The following LMO2 variants were observed in gnomAD, a reference collection of about 807,000 sequenced individuals.
The protein encoded by LMO2 is LIM domain only 2.
In LMO2, 20 loss-of-function variants were observed where a neutral mutation model predicts 23.2. The observed-to-expected ratio is 0.86, with a 90% confidence interval of 0.61 to 1.25. LMO2 has a LOEUF of 1.25. LMO2 is among the 50% of genes most tolerant of loss of function. LMO2 has a pLI of 0.00. For synonymous variants in LMO2, 123 were observed against 130.2 expected, an observed-to-expected ratio of 0.94 and a Z score of 0.38; for missense variants, 270 against 315.3, an observed-to-expected ratio of 0.86 and a Z score of 1.09.
rs575079278 is a variant in LMO2 at position 33,859,633 on chromosome 11, G to C, written c.465-58C>G. The C allele has an allele frequency of 6.3e-5, 97 of 1,532,650 alleles. No homozygotes were observed. In the African/African-American group the frequency reaches 1.2e-3, roughly 19 times the overall value. The allele number at this position is 1,532,650 out of a possible 1,614,324, so 94.9% of individuals were successfully genotyped here. The stretch of plus-strand genomic sequence containing the variant: ...GTGAAAGGGACAATCCTGGAAGACA[G>C]GGCTCGGGGATGAGCCCTAGAAAGG... On this transcript the variant is annotated intron_variant, in intron 5 of 5. Coordinates refer to ENST00000257818, the MANE Select transcript of LMO2 (RefSeq NM_005574.4).
At chr11:33,872,152 G>A (rs1332729290) in intron 2 of LMO2, among the ~76,000 whole-genome samples, 4 of 152,204 alleles carry the variant, frequency 2.6e-5, no homozygotes, top group Non-Finnish European at 5.9e-5. Context: ...TTAGCCAGGT[G>A]TGGTGGCACA....
intron 2 of LMO2, chr11:33,881,246 A>G: frequency 2.2e-6 from 1 of 457,090 alleles, no homozygotes; most frequent in Non-Finnish European, 4.4e-6. Flanking sequence ...GCTTCCCATC[A>G]CATTGCAGAA....
intron 1 of LMO2, among the ~76,000 whole-genome samples, chr11:33,885,843 C>T (rs1290825107): frequency 6.6e-6 from 1 of 151,304 alleles, no homozygotes; most frequent in Admixed American, 6.6e-5. Flanking sequence ...GTGGTCATCA[C>T]CTGCAATGTG....
chr11:33,872,197 A>G (rs1485089088), intron 2 of LMO2, among the ~76,000 whole-genome samples: 1 of 152,192 alleles, frequency 6.6e-6, no homozygotes, highest in Non-Finnish European at 1.5e-5. Context: ...AGGCTGAGGC[A>G]GGAGAATCAC....
chr11:33,869,214 G>T, intron 4 of LMO2, 132 bp downstream of exon 4: 1 of 545,132 alleles, frequency 1.8e-6, no homozygotes, highest in Non-Finnish European at 2.5e-6. Context: ...CCCAGCGCTC[G>T]GCACAGGGGG....
At chr11:33,884,637 C>T (rs1342636596) in intron 1 of LMO2, among the ~76,000 whole-genome samples, 1 of 152,190 alleles carries the variant, frequency 6.6e-6, no homozygotes, top group African/African-American at 2.4e-5. Flanking sequence ...GCTCCTAAAA[C>T]AAGGTCACCC....
chr11:33,859,426 A>C lies in LMO2; in HGVS notation c.614T>G (p.Leu205Arg). 1 of 1,614,110 alleles carries C rather than the reference A, an allele frequency of 6.2e-7. No homozygotes were observed. The highest frequency in any genetic ancestry group is 8.5e-7 in the Non-Finnish European group (1 of 1,179,986). Residue 205 changes from leucine (L) to arginine (R), a missense_variant, in exon 6 of 6, where the codon CTC (leucine) becomes CGC (arginine). Physicochemically the swap from Leu to Arg is moderately radical, Grantham distance 102 (BLOSUM62 -2). This residue lies in a region of LMO2 where 100 missense variants were observed against 153.3 expected (regional missense o/e 0.65). Coordinates refer to ENST00000257818, the MANE Select transcript of LMO2 (RefSeq NM_005574.4). ...GCACACTATGTCAGAGTTGATGAGGAGGTATCTGTCACCTACACAGAAATG... is the reference window on the plus strand; with the variant it reads ...GCACACTATGTCAGAGTTGATGAGGCGGTATCTGTCACCTACACAGAAATG... ...QKHFCVGDRY[L>R]LINSDIVCEQ...
intron 2 of LMO2, chr11:33,870,330 G>A: frequency 1.0e-6 from 1 of 977,432 alleles, no homozygotes; most frequent in Non-Finnish European, 1.2e-6. Context: ...ACAAGAATGT[G>A]AAATAAGCAC....
chr11:33,879,339 G>A (rs745534912), intron 2 of LMO2, among the ~76,000 whole-genome samples: 3 of 151,936 alleles, frequency 2.0e-5, no homozygotes, highest in Non-Finnish European at 4.4e-5. Flanking sequence ...GAACATATAG[G>A]CCGGGCACTG....
chr11:33,866,880 C>A (rs866922826), intron 4 of LMO2, among the ~76,000 whole-genome samples: 1 of 152,166 alleles, frequency 6.6e-6, no homozygotes, highest in Non-Finnish European at 1.5e-5. Flanking sequence ...TTTGTTTCTA[C>A]AGATTGTATA....
intron 5 of LMO2, among the ~76,000 whole-genome samples, chr11:33,861,859 G>A (rs572408512): frequency 6.6e-6 from 1 of 152,290 alleles, no homozygotes; most frequent in South Asian, 2.1e-4. Flanking sequence ...AACTTGCCAG[G>A]TGACCTGAGC....
At chr11:33,890,924 C>A (rs936196272) in intron 1 of LMO2, among the ~76,000 whole-genome samples, 2 of 152,158 alleles carry the variant, frequency 1.3e-5, no homozygotes, top group African/African-American at 4.8e-5. Context: ...CAGATAAAGA[C>A]AGAAAAGGCT....
chr11:33,884,768 C>T (rs147533507), intron 1 of LMO2, among the ~76,000 whole-genome samples: 7 of 152,352 alleles, frequency 4.6e-5, no homozygotes, highest in Admixed American at 2.6e-4. Flanking sequence ...TATTTATCCA[C>T]GTCCAGCAGG....
At chr11:33,874,068 G>A (rs1857082637) in intron 2 of LMO2, among the ~76,000 whole-genome samples, 1 of 151,948 alleles carries the variant, frequency 6.6e-6, no homozygotes, top group Non-Finnish European at 1.5e-5. Flanking sequence ...GTTTCTAAAT[G>A]TGGCATTCAG....
chr11:33,870,607 G>A, intron 2 of LMO2: 2 of 983,922 alleles, frequency 2.0e-6, no homozygotes, highest in Non-Finnish European at 2.4e-6. Context: ...CAGAGGGAGG[G>A]TGGCTGGGAG....
intron 1 of LMO2, among the ~76,000 whole-genome samples, chr11:33,887,966 G>A (rs1252004902): frequency 6.6e-6 from 1 of 152,160 alleles, no homozygotes; most frequent in African/African-American, 2.4e-5. Context: ...GGTTGGGGTG[G>A]GGAGAGGCTG....
chr11:33,877,558 G>A (rs188580896), intron 2 of LMO2, among the ~76,000 whole-genome samples: 1 of 139,952 alleles, frequency 7.1e-6, no homozygotes, highest in African/African-American at 2.7e-5. Flanking sequence ...TCTGCCTCCC[G>A]GTTTCAAGTG....
chr11:33,889,980 A>G (rs1857504517), intron 1 of LMO2, among the ~76,000 whole-genome samples: 1 of 152,228 alleles, frequency 6.6e-6, no homozygotes, highest in Admixed American at 6.5e-5. Context: ...GAATGAAATC[A>G]TGTCTCTCGC....
In LMO2 at chr11:33,869,599, A is replaced by AAG. The variant is rs769004542; in HGVS notation, c.8-15_8-14dup. The AAG allele has an allele frequency of 1.4e-5, 18 of 1,281,924 alleles. No homozygotes were observed. In the South Asian group the frequency reaches 2.7e-4, roughly 19 times the overall value. 79.4% of individuals were successfully genotyped at this position (1,281,924 alleles called of 1,614,324 possible). ...GTCACCGCGCTCCCTTCAAACGCCA[A>AAG]AGAGAGAGAGCGAATCACCGGGCTG... On this transcript the variant is annotated splice_polypyrimidine_tract_variant and intron_variant, in intron 3 of 5. Transcript: ENST00000257818.
Sources: gnomAD v4.1 joint callset for allele counts (sites outside exome capture counted in the v4.1 genomes callset) on GRCh38, gnomAD v4.1.1 for gene constraint, gnomAD v4.1.1 regional missense constraint, MANE v1.5 for transcripts, NCBI Gene and HGNC (gene_info 2026-07-23, HGNC 2026-07-21) for gene names.